The following SH2D4A variants were observed in gnomAD, a reference collection of about 807,000 sequenced individuals.
The protein encoded by SH2D4A is SH2 domain-containing protein 4A.
SH2D4A carries 70 observed loss-of-function variants against 64.7 expected under a neutral mutation model. That is an observed-to-expected ratio of 1.08 (90% CI 0.89 to 1.32). The LOEUF (loss-of-function observed/expected upper bound fraction) is 1.32. Among genes scored for constraint, SH2D4A ranks in the 40% most tolerant of loss-of-function variants. The pLI, the probability that SH2D4A is intolerant of heterozygous loss-of-function variation, is 0.00. For missense variants in SH2D4A, 706 were observed against 540.1 expected, an observed-to-expected ratio of 1.31 and a Z score of -3.04; for synonymous variants, 268 against 200.7, an observed-to-expected ratio of 1.34 and a Z score of -2.83.
At chr8:19,315,884 T>C (rs1452256109) in intron 1 of SH2D4A, among the ~76,000 whole-genome samples, 1 of 152,244 alleles carries the variant, frequency 6.6e-6, no homozygotes, top group East Asian at 1.9e-4. Context: ...CAGTAGATTA[T>C]GTCAGATACC....
At chr8:19,369,156 A>G (rs1271348972) in intron 7 of SH2D4A, among the ~76,000 whole-genome samples, 2 of 152,168 alleles carry the variant, frequency 1.3e-5, no homozygotes, top group Non-Finnish European at 2.9e-5. Context: ...ATGTTGAACC[A>G]TCCTTGCGTC....
intron 8 of SH2D4A, among the ~76,000 whole-genome samples, chr8:19,384,966 A>G (rs1260312956): frequency 6.6e-6 from 1 of 152,220 alleles, no homozygotes; most frequent in Non-Finnish European, 1.5e-5. Flanking sequence ...TTATGTATCA[A>G]TAGTTGATCA....
intron 1 of SH2D4A, among the ~76,000 whole-genome samples, chr8:19,315,580 G>A (rs565922121): frequency 3.3e-5 from 5 of 152,188 alleles, no homozygotes; most frequent in East Asian, 1.9e-4. Flanking sequence ...GGAAAACAAC[G>A]GATTCTCTGA....
intron 1 of SH2D4A, among the ~76,000 whole-genome samples, chr8:19,316,097 G>A (rs1469480046): frequency 3.3e-5 from 5 of 152,082 alleles, no homozygotes; most frequent in Non-Finnish European, 7.4e-5. Flanking sequence ...CGGGGGTTAG[G>A]GGTTGGGAAT....
rs1298938354 is a variant in SH2D4A at position 19,393,188 on chromosome 8, A to C, written c.1049-130A>C. 6.4e-6 allele frequency: 5 copies of C among 777,324 alleles called. No homozygotes were observed. The East Asian group carries it at 1.0e-4, about 16-fold the overall frequency. 48.2% of individuals were successfully genotyped at this position (777,324 alleles called of 1,614,324 possible). On this transcript the variant is annotated intron_variant, in intron 8 of 9. Coordinates refer to ENST00000265807, the MANE Select transcript of SH2D4A (RefSeq NM_022071.4). ...TCCGTATTCCTAAGAAGCCCAAAAC[A>C]GACTTAAAATTGCTCTTATTGTGTC... is the stretch of plus-strand genomic sequence containing the variant.
intron 8 of SH2D4A, among the ~76,000 whole-genome samples, chr8:19,392,701 C>G (rs1462675940): frequency 6.6e-6 from 1 of 152,020 alleles, no homozygotes; most frequent in African/African-American, 2.4e-5. Context: ...CTGTGTGTTG[C>G]TCTAAATGGG....
At chr8:19,391,687 G>C (rs941538868) in intron 8 of SH2D4A, among the ~76,000 whole-genome samples, 1 of 152,200 alleles carries the variant, frequency 6.6e-6, no homozygotes, top group Non-Finnish European at 1.5e-5. Context: ...CTGGTTGGAT[G>C]ATCTTGGCTA....
At chr8:19,391,333 T>C (rs1390734822) in intron 8 of SH2D4A, among the ~76,000 whole-genome samples, 1 of 152,148 alleles carries the variant, frequency 6.6e-6, no homozygotes, top group Non-Finnish European at 1.5e-5. Context: ...CTCATGGGGA[T>C]AGTGGAGCAT....
chr8:19,335,855 G>T (rs1363788876), intron 4 of SH2D4A, among the ~76,000 whole-genome samples: 1 of 144,542 alleles, frequency 6.9e-6, no homozygotes, highest in Non-Finnish European at 1.5e-5. Context: ...ATTATAGTTT[G>T]GGAGAACAAT....
At chr8:19,384,562 C>A (rs930605523) in intron 8 of SH2D4A, among the ~76,000 whole-genome samples, 1 of 152,098 alleles carries the variant, frequency 6.6e-6, no homozygotes, top group Admixed American at 6.6e-5. Context: ...TAAGAAAGAC[C>A]TTACAGTCTG....
intron 2 of SH2D4A, among the ~76,000 whole-genome samples, chr8:19,324,548 T>G (rs1315191275): frequency 6.6e-6 from 1 of 152,110 alleles, no homozygotes; most frequent in East Asian, 1.9e-4. Context: ...TCTTGATCAA[T>G]TCCTCAGCCG....
rs748257988 is a variant in SH2D4A at position 19,357,218 on chromosome 8, T to C, written c.529T>C (p.Ser177Pro). Residue 177 changes from serine to proline, a missense_variant, in exon 5 of 10, where the codon TCA (serine) becomes CCA (proline). Ser to Pro is a moderately conservative substitution (Grantham distance 74). Coordinates refer to ENST00000265807, the MANE Select transcript of SH2D4A (RefSeq NM_022071.4). Reference sequence around the variant, plus strand: ...TAATTTTTAGTCACTCTCCAGTTCTTCAAGAAATATTCAACAAATGTTGGC... The same window carrying C: ...TAATTTTTAGTCACTCTCCAGTTCTCCAAGAAATATTCAACAAATGTTGGC... ...EEKIRSLSSS[S>P]RNIQQMLADS... is the part of the protein sequence containing the mutation. 6.2e-7 allele frequency: 1 copy of C among 1,613,772 alleles called. No individual in the cohort carries two copies. The highest frequency in any genetic ancestry group is 8.5e-7 in the Non-Finnish European group (1 of 1,179,632).
chr8:19,314,024 G>T, intron 1 of SH2D4A: 1 of 1,153,504 alleles, frequency 8.7e-7, no homozygotes, highest in Non-Finnish European at 1.1e-6. Context: ...GAGAGCGGCC[G>T]CGGCGGGTGT....
intron 4 of SH2D4A, among the ~76,000 whole-genome samples, chr8:19,337,128 A>G (rs1255755748): frequency 6.6e-6 from 1 of 152,068 alleles, no homozygotes; most frequent in Non-Finnish European, 1.5e-5. Context: ...ATGGAAATAG[A>G]TGGGTGACAG....
chr8:19,388,046 TACGTA>T (rs2153652111), intron 8 of SH2D4A, among the ~76,000 whole-genome samples: 1 of 152,304 alleles, frequency 6.6e-6, no homozygotes, highest in South Asian at 2.1e-4. Flanking sequence ...ATACTACACA[TACGTA>T]ACCAATCAAA....
intron 4 of SH2D4A, among the ~76,000 whole-genome samples, chr8:19,337,598 T>C (rs1397559130): frequency 1.3e-5 from 2 of 152,082 alleles, no homozygotes; most frequent in African/African-American, 4.8e-5. Flanking sequence ...ATACCCAAGA[T>C]TGGGCAGTTT....
At chr8:19,315,855 A>G (rs1448025648) in intron 1 of SH2D4A, among the ~76,000 whole-genome samples, 1 of 152,208 alleles carries the variant, frequency 6.6e-6, no homozygotes, top group Non-Finnish European at 1.5e-5. Flanking sequence ...CCCTGGCTCC[A>G]CCAGGCTCCT....
Position 19,334,803 on chromosome 8 carries a change from G to A in SH2D4A, c.459G>A (p.Glu153=). ...TCTGGAAGAAAGTGGCAGAAAAGGA[G>A]GAACTGGAGCAAGGATCGAGGCCAG... ...KDIWKKVAEK[E]ELEQGSRPAP... Residue 153 remains glutamate (E), a synonymous_variant, in exon 4 of 10, where the codon GAG becomes GAA. Transcript: ENST00000265807. 3 of 1,614,024 alleles carry A rather than the reference G, an allele frequency of 1.9e-6. No individual in the cohort carries two copies. The highest frequency in any genetic ancestry group is 2.5e-6 in the Non-Finnish European group (3 of 1,179,984).
chr8:19,323,885 T>C (rs1161016261), intron 2 of SH2D4A, among the ~76,000 whole-genome samples: 1 of 152,160 alleles, frequency 6.6e-6, no homozygotes, highest in Admixed American at 6.5e-5. Flanking sequence ...TTTTCACAGA[T>C]GAGGAAAGTC....
Sources: allele counts gnomAD v4.1 joint callset (sites outside exome capture counted in the v4.1 genomes callset), GRCh38; gene constraint gnomAD v4.1.1; transcripts MANE v1.5; gene names NCBI Gene and HGNC (gene_info 2026-07-23, HGNC 2026-07-21).